LRRTM4: variants seen among roughly 807,000 people sequenced by gnomAD.
The protein encoded by LRRTM4 is leucine-rich repeat transmembrane neuronal protein 4.
Under a neutral mutation model 47.6 loss-of-function variants are expected in LRRTM4, and 25 were observed. The ratio of observed to expected loss-of-function variants is 0.53; its 90% CI spans 0.38 to 0.73. The LOEUF is 0.73. LRRTM4 is among the 30% of genes least tolerant of loss of function. LRRTM4 has a pLI of 0.00. For synonymous variants in LRRTM4, 311 were observed against 269.5 expected (o/e 1.15, Z -1.51); for missense variants, 638 against 713.4 (o/e 0.89, Z 1.20).
chr2:77,513,416 C>T (rs544531317), intron 3 of LRRTM4, among the ~76,000 whole-genome samples: 14 of 152,110 alleles, frequency 9.2e-5, no homozygotes, highest in African/African-American at 3.4e-4. Flanking sequence ...CTGAGTCACT[C>T]GTTTGAGAGA....
At chr2:76,937,845 C>T (rs1157061125) in intron 3 of LRRTM4, among the ~76,000 whole-genome samples, 1 of 152,100 alleles carries the variant, frequency 6.6e-6, no homozygotes, top group Non-Finnish European at 1.5e-5. Flanking sequence ...GGATTACAGG[C>T]ATGAGCCACT....
At chr2:76,839,724 A>T (rs1310554470) in intron 3 of LRRTM4, among the ~76,000 whole-genome samples, 1 of 152,090 alleles carries the variant, frequency 6.6e-6, no homozygotes, top group African/African-American at 2.4e-5. Context: ...TAATAAATAG[A>T]TTTCCTTATC....
Position 76,791,491 on chromosome 2 carries a change from A to G in LRRTM4, c.1552-42575T>C, listed in dbSNP as rs199778660. On this transcript the variant is annotated intron_variant, in intron 3 of 3. Transcript: ENST00000409884. ...TTCACTTAGATACTGAGAAACAACA[A>G]GGAAGACAAGGGACTCGAGTATTTA... is the stretch of plus-strand genomic sequence containing the variant. Among the ~76,000 whole-genome samples, 6 of 152,336 alleles carry G rather than the reference A, an allele frequency of 3.9e-5. No homozygotes were observed. The East Asian group carries it at 1.2e-3, about 29-fold the overall frequency.
intron 3 of LRRTM4, among the ~76,000 whole-genome samples, chr2:77,246,422 T>C (rs1211119230): frequency 6.6e-6 from 1 of 152,146 alleles, no homozygotes; most frequent in Non-Finnish European, 1.5e-5. Context: ...TGAACAGTAT[T>C]GTGCATCTGT....
rs1366323323 is a variant in LRRTM4, at chr2:77,364,342, G to A, written c.1551+153976C>T. Among the ~76,000 whole-genome samples the A allele has an allele frequency of 2.0e-5, 3 of 152,048 alleles. 1 individual carries two copies. The highest frequency in any genetic ancestry group is 1.3e-4 in the Admixed American group (2 of 15,240). On this transcript the variant is annotated intron_variant, in intron 3 of 3. Transcript: ENST00000409884. ...TATATAAGGGCTGTATTTGGAGAAA[G>A]CTACAACGTTGATTCAATTTTAAAG...
intron 3 of LRRTM4, among the ~76,000 whole-genome samples, chr2:77,313,209 T>C (rs1677509717): frequency 1.3e-5 from 2 of 150,940 alleles, no homozygotes; most frequent in South Asian, 2.1e-4. Flanking sequence ...GTGATGTGCC[T>C]CCCGATGTTT....
chr2:77,283,537 A>C (rs1196739955), intron 3 of LRRTM4, among the ~76,000 whole-genome samples: 1 of 152,098 alleles, frequency 6.6e-6, no homozygotes, highest in Non-Finnish European at 1.5e-5. Context: ...TCATTGCAGC[A>C]GTATTCACAA....
At chr2:77,405,756 C>T (rs529126890) in intron 3 of LRRTM4, among the ~76,000 whole-genome samples, 7 of 152,208 alleles carry the variant, frequency 4.6e-5, no homozygotes, top group Non-Finnish European at 8.8e-5. Flanking sequence ...GTCCAGCCAT[C>T]GCATGTCTGT....
chr2:76,917,207 C>T (rs1042378266), intron 3 of LRRTM4, among the ~76,000 whole-genome samples: 2 of 152,134 alleles, frequency 1.3e-5, no homozygotes, highest in African/African-American at 2.4e-5. Flanking sequence ...ATAAACATGG[C>T]TACATTGTTT....
intron 3 of LRRTM4, among the ~76,000 whole-genome samples, chr2:77,432,007 G>T (rs1380143611): frequency 6.6e-6 from 1 of 152,166 alleles, no homozygotes; most frequent in Non-Finnish European, 1.5e-5. Context: ...CTGGGAGGCA[G>T]AGGTTGCAGT....
intron 3 of LRRTM4, among the ~76,000 whole-genome samples, chr2:76,975,036 G>C (rs984405902): frequency 6.6e-6 from 1 of 151,646 alleles, no homozygotes; most frequent in Non-Finnish European, 1.5e-5. Context: ...GCTATGTACA[G>C]TGATATGCTG....
chr2:77,281,024 A>T (rs1676494054), intron 3 of LRRTM4, among the ~76,000 whole-genome samples: 1 of 151,954 alleles, frequency 6.6e-6, no homozygotes, highest in African/African-American at 2.4e-5. Flanking sequence ...TTAGTCTAAC[A>T]TGACTCAGTC....
intron 3 of LRRTM4, among the ~76,000 whole-genome samples, chr2:77,234,548 T>A (rs1433151653): frequency 1.3e-5 from 2 of 152,234 alleles, no homozygotes; most frequent in Non-Finnish European, 2.9e-5. Flanking sequence ...ATTGTAATTA[T>A]ATGCTAAAAT....
intron 3 of LRRTM4, among the ~76,000 whole-genome samples, chr2:76,997,834 G>C (rs1677256233): frequency 6.6e-6 from 1 of 151,924 alleles, no homozygotes; most frequent in South Asian, 2.1e-4. Context: ...TGCTGCCTGA[G>C]TTCCACCTCC....
chr2:77,335,854 T>A (rs1051324483), intron 3 of LRRTM4, among the ~76,000 whole-genome samples: 9 of 152,112 alleles, frequency 5.9e-5, no homozygotes, highest in African/African-American at 1.9e-4. Flanking sequence ...GCAAACTATT[T>A]CTCAGAAGAG....
At chr2:76,915,560 C>G (rs973848239) in intron 3 of LRRTM4, among the ~76,000 whole-genome samples, 2 of 152,062 alleles carry the variant, frequency 1.3e-5, no homozygotes, top group Non-Finnish European at 2.9e-5. Context: ...TGGGTTCTAC[C>G]TTTGTCACTT....
At position 77,250,520 on chromosome 2, in the gene LRRTM4, A is replaced by G. The variant is rs148139974; in HGVS notation, c.1551+267798T>C. ...AAAACACTACTGAAACGTTACATATACACTATGTAAATATAATCATATACT... is the reference window on the plus strand; with the variant it reads ...AAAACACTACTGAAACGTTACATATGCACTATGTAAATATAATCATATACT... On this transcript the variant is annotated intron_variant, in intron 3 of 3. Transcript: ENST00000409884. Among the ~76,000 whole-genome samples the G allele has an allele frequency of 1.8e-4, 27 of 152,306 alleles. No homozygotes were observed. In the East Asian group the frequency reaches 5.2e-3, roughly 29 times the overall value.
At chr2:76,954,284 C>G (rs878872496) in intron 3 of LRRTM4, among the ~76,000 whole-genome samples, 2 of 151,610 alleles carry the variant, frequency 1.3e-5, no homozygotes, top group African/African-American at 4.8e-5. Flanking sequence ...AAATAACCAT[C>G]AAAAAGATGA....
At chr2:77,115,259 C>T (rs994651306) in intron 3 of LRRTM4, among the ~76,000 whole-genome samples, 9 of 152,144 alleles carry the variant, frequency 5.9e-5, no homozygotes, top group Admixed American at 5.2e-4. Flanking sequence ...GGCAGTCAGA[C>T]CTTATGGTTA....
Sources: gnomAD v4.1 joint callset for allele counts (sites outside exome capture counted in the v4.1 genomes callset) on GRCh38, gnomAD v4.1.1 for gene constraint, MANE v1.5 for transcripts, NCBI Gene and HGNC (gene_info 2026-07-23, HGNC 2026-07-21) for gene names.